The following GLP2R variants were observed in gnomAD, a reference collection of about 807,000 sequenced individuals.
The protein encoded by GLP2R is glucagon like peptide 2 receptor.
Under a neutral mutation model 68.2 loss-of-function variants are expected in GLP2R, and 59 were observed. The observed-to-expected ratio is 0.87, with a 90% CI of 0.70 to 1.07. The LOEUF (loss-of-function observed/expected upper bound fraction) is 1.07, where lower values mean the gene tolerates loss of function less well. Ranked by LOEUF, GLP2R falls within the 50% of genes least tolerant of loss-of-function variation. The probability of loss-of-function intolerance (pLI) is 0.00; values close to 1 mark genes in which losing one functional copy is unlikely to be tolerated. For missense variants in GLP2R, 548 were observed against 677.4 expected (o/e 0.81, Z 2.12); for synonymous variants, 270 against 265.4 (o/e 1.02, Z -0.17).
At position 9,890,812 on chromosome 17, in the gene GLP2R, T is replaced by A. The variant is rs1219412872; in HGVS notation, c.*1107T>A. ...TGGCTGGATCTGGACATGCCCAGGGTGGCTCTGAGAGATCCAAGACTTTGC... is the reference window on the plus strand; with the variant it reads ...TGGCTGGATCTGGACATGCCCAGGGAGGCTCTGAGAGATCCAAGACTTTGC... On this transcript the variant is annotated 3_prime_UTR_variant, in exon 13 of 13. Coordinates refer to ENST00000262441, the MANE Select transcript of GLP2R (RefSeq NM_004246.3). 6.6e-6 allele frequency: 1 copy of A among 152,228 alleles called. No homozygotes were observed. The highest frequency in any genetic ancestry group is 1.5e-5 in the Non-Finnish European group (1 of 68,078). The allele number at this position is 152,228 out of a possible 1,614,324, so 9.4% of individuals were successfully genotyped here.
At chr17:9,837,294 C>T (rs1597377698) in intron 3 of GLP2R, among the ~76,000 whole-genome samples, 1 of 152,318 alleles carries the variant, frequency 6.6e-6, no homozygotes, top group Non-Finnish European at 1.5e-5. Context: ...CTCTGGCAAC[C>T]ATCCTTCTAC....
intron 10 of GLP2R, among the ~76,000 whole-genome samples, chr17:9,874,917 C>T (rs910785741): frequency 6.6e-6 from 1 of 152,162 alleles, no homozygotes; most frequent in African/African-American, 2.4e-5. Flanking sequence ...GAAGGAGGCT[C>T]ATTCCCCAGA....
At chr17:9,870,615 C>T in intron 9 of GLP2R, 132 bp from the exon 10 acceptor site, 1 of 683,004 alleles carries the variant, frequency 1.5e-6, no homozygotes, top group South Asian at 1.7e-5. Flanking sequence ...TACTACCTGG[C>T]CAGCTAACTG....
At chr17:9,869,097 T>C (rs1364526742) in intron 9 of GLP2R, among the ~76,000 whole-genome samples, 1 of 152,176 alleles carries the variant, frequency 6.6e-6, no homozygotes, top group Non-Finnish European at 1.5e-5. Flanking sequence ...TCATACTTCT[T>C]CATCATTTCA....
chr17:9,854,112 C>T (rs1429930717), intron 4 of GLP2R, among the ~76,000 whole-genome samples: 3 of 152,178 alleles, frequency 2.0e-5, no homozygotes, highest in South Asian at 4.1e-4. Flanking sequence ...GCCCTGTCCT[C>T]CAGAAGGAAG....
In GLP2R at chr17:9,889,576, G is replaced by A; in HGVS notation, c.1533G>A (p.Gly511=). The A allele has an allele frequency of 1.2e-6, 2 of 1,614,156 alleles. No individual in the cohort carries two copies. Among genetic ancestry groups the A allele is most frequent in the Non-Finnish European group, 1.7e-6 (2 of 1,180,018 alleles). ...TACATCTAGCCATGCGAGGTCTTGG[G>A]GAGCTGGGCGCCCAGCCCCAACAGG... The part of the protein sequence containing the change: ...RLLHLAMRGL[G]ELGAQPQQDH... The change falls in exon 13 of 13, where the codon GGG becomes GGA. Residue 511 remains glycine, a synonymous_variant. Coordinates refer to ENST00000262441, the MANE Select transcript of GLP2R (RefSeq NM_004246.3).
At chr17:9,859,842 AAAAAG>A in intron 6 of GLP2R, 95 bp from the exon 7 acceptor site, 4 of 697,408 alleles carry the variant, frequency 5.7e-6, no homozygotes, top group African/African-American at 2.0e-5. Context: ...AAAAAAAAAA[AAAAAG>A]AGGGAGAGGT....
chr17:9,869,933 A>G (rs1267781948), intron 9 of GLP2R, among the ~76,000 whole-genome samples: 1 of 152,202 alleles, frequency 6.6e-6, no homozygotes. Context: ...ATTTGCAGGC[A>G]TATTTTTAAA....
In GLP2R at chr17:9,889,876, CTG is replaced by C. The variant is rs2067276744; in HGVS notation, c.*177_*178del. ...TTCTTCAAGCTCTGTATGAAAGAGGCTGTGTGTCATGCTCACAGCCTCTGCCT... is the reference window on the plus strand; with the variant it reads ...TTCTTCAAGCTCTGTATGAAAGAGGCTGTGTCATGCTCACAGCCTCTGCCT... On this transcript the variant is annotated 3_prime_UTR_variant, in exon 13 of 13. Coordinates refer to ENST00000262441, the MANE Select transcript of GLP2R (RefSeq NM_004246.3). The C allele has an allele frequency of 6.3e-6, 4 of 638,388 alleles. No homozygotes were observed. Among genetic ancestry groups the C allele is most frequent in the Non-Finnish European group, 1.1e-5 (4 of 357,606 alleles). 39.5% of individuals were successfully genotyped at this position (638,388 alleles called of 1,614,324 possible).
intron 6 of GLP2R, among the ~76,000 whole-genome samples, chr17:9,858,866 T>C (rs1346984816): frequency 6.6e-6 from 1 of 152,210 alleles, no homozygotes; most frequent in African/African-American, 2.4e-5. Context: ...TTTTCTACCC[T>C]TTGATCATGT....
intron 4 of GLP2R, chr17:9,853,275 G>T: frequency 3.6e-6 from 1 of 279,420 alleles, no homozygotes; most frequent in East Asian, 8.5e-5. Flanking sequence ...TGGGGCCTCC[G>T]GGGGCTCATG....
At chr17:9,842,058 C>A (rs2066791902) in intron 3 of GLP2R, among the ~76,000 whole-genome samples, 1 of 151,740 alleles carries the variant, frequency 6.6e-6, no homozygotes, top group Admixed American at 6.6e-5. Context: ...AGAGCTAGGC[C>A]CAGGACACAC....
chr17:9,839,378 G>A (rs2066762986), intron 3 of GLP2R, among the ~76,000 whole-genome samples: 1 of 152,022 alleles, frequency 6.6e-6, no homozygotes, highest in Non-Finnish European at 1.5e-5. Flanking sequence ...AAATGGAGGA[G>A]AGGAAAACAA....
At chr17:9,870,664 A>T in intron 9 of GLP2R, 83 bp from the exon 10 acceptor site, 1 of 753,118 alleles carries the variant, frequency 1.3e-6, no homozygotes, top group South Asian at 1.5e-5. Context: ...GATGGAACTG[A>T]TGGCCGAGCC....
Position 9,891,843 on chromosome 17 carries a change from T to G in GLP2R, c.*2138T>G, listed in dbSNP as rs2067293539. The G allele has an allele frequency of 6.6e-6, 1 of 152,196 alleles. No homozygotes were observed. Among genetic ancestry groups the G allele is most frequent in the African/African-American group, 2.4e-5 (1 of 41,446 alleles). The allele number at this position is 152,196 out of a possible 1,614,324, so 9.4% of individuals were successfully genotyped here. A position where few individuals can be genotyped will look rare whatever the true frequency, so the allele number is the denominator to read the frequency against. On this transcript the variant is annotated 3_prime_UTR_variant, in exon 13 of 13. Transcript: ENST00000262441. ...CCTAGAAAGCTGGGGTCATCTCGTA[T>G]TCCCAGCAAGTACCCAGCACAGTGC... is the stretch of plus-strand genomic sequence containing the variant.
chr17:9,845,698 A>T lies in GLP2R; in HGVS notation c.504+3082A>T, dbSNP rs143207390. Among the ~76,000 whole-genome samples the T allele has an allele frequency of 3.0e-3, 459 of 151,448 alleles. 2 individuals carry two copies. The highest frequency in any genetic ancestry group is 0.011 in the African/African-American group (446 of 41,246). On this transcript the variant is annotated intron_variant, in intron 4 of 12. Transcript: ENST00000262441. ...CATTGTGAGTTTTTTGGTGTCTGTG[A>T]TGGTAGCTTTTCTGCATTGGCTATT...
At chr17:9,850,913 G>A (rs970803341) in intron 4 of GLP2R, among the ~76,000 whole-genome samples, 1 of 151,838 alleles carries the variant, frequency 6.6e-6, no homozygotes, top group Non-Finnish European at 1.5e-5. Flanking sequence ...GGTTGGTCTC[G>A]AACTCCTGAA....
At chr17:9,887,458 C>T (rs1259200328) in intron 11 of GLP2R, among the ~76,000 whole-genome samples, 3 of 152,082 alleles carry the variant, frequency 2.0e-5, no homozygotes, top group Admixed American at 6.5e-5. Context: ...ACTCGGGAGG[C>T]GGAGGTTGCA....
At chr17:9,867,324 A>G (rs1331767560) in intron 9 of GLP2R, among the ~76,000 whole-genome samples, 3 of 152,248 alleles carry the variant, frequency 2.0e-5, no homozygotes, top group African/African-American at 7.2e-5. Flanking sequence ...GCTGACCAGC[A>G]TCTGGGTTGA....
Sources: allele counts gnomAD v4.1 joint callset (sites outside exome capture counted in the v4.1 genomes callset), GRCh38; gene constraint gnomAD v4.1.1; transcripts MANE v1.5; gene names NCBI Gene and HGNC (gene_info 2026-07-23, HGNC 2026-07-21).